Variants in IL4I1 observed in about 807,000 individuals in gnomAD.
The protein encoded by IL4I1 is interleukin 4 induced 1.
Under a neutral mutation model 29.7 loss-of-function variants are expected in IL4I1, and 24 were observed. The ratio of observed to expected loss-of-function variants is 0.81; its 90% CI spans 0.59 to 1.14. The LOEUF is 1.14. IL4I1 is among the 50% of genes most tolerant of loss of function. The probability of loss-of-function intolerance (pLI) is 0.00; values close to 1 mark genes in which losing one functional copy is unlikely to be tolerated. For synonymous variants in IL4I1, 371 were observed against 352.5 expected (o/e 1.05, Z -0.59); for missense variants, 686 against 785.6 (o/e 0.87, Z 1.52).
At chr19:49,899,529 A>G (rs1466500784), upstream of IL4I1, among the ~76,000 whole-genome samples, 1 of 148,760 alleles carries the variant, frequency 6.7e-6, no homozygotes, top group Non-Finnish European at 1.5e-5. Flanking sequence ...GGACTACAGG[A>G]GTGCACTACC....
At chr19:49,907,488 C>G in intron 2 of IL4I1, 4 of 439,760 alleles carry the variant, frequency 9.1e-6, no homozygotes, top group South Asian at 6.5e-5. Flanking sequence ...TTAGCTTTCA[C>G]AAGCACAAGC....
At chr19:49,900,580 G>A (rs188479118), upstream of IL4I1, among the ~76,000 whole-genome samples, 1 of 152,288 alleles carries the variant, frequency 6.6e-6, no homozygotes, top group East Asian at 1.9e-4. Context: ...GAGCCACCAT[G>A]CCCAGCCTCC....
rs371580726 is a variant in IL4I1 at position 49,890,696 on chromosome 19, G to T, written c.774-96C>A. 3.9e-5 allele frequency: 44 copies of T among 1,125,152 alleles called. No individual in the cohort carries two copies. The East Asian group carries it at 9.2e-4, about 24-fold the overall frequency. The allele number at this position is 1,125,152 out of a possible 1,614,324, so 69.7% of individuals were successfully genotyped here. On this transcript the variant is annotated intron_variant, in intron 7 of 7. Coordinates refer to ENST00000391826, the MANE Select transcript of IL4I1 (RefSeq NM_152899.2). ...CCCACCCCGGCAGCTGGCCCTTATG[G>T]GCACCGGCCCGCTCCCCCGTCATCC...
chr19:49,913,316 A>G (rs959492428), intron 2 of IL4I1, among the ~76,000 whole-genome samples: 4 of 152,240 alleles, frequency 2.6e-5, no homozygotes, highest in African/African-American at 7.2e-5. Flanking sequence ...GCCCTTGACC[A>G]GCTCCAGGAG....
rs767450578 is a variant in IL4I1 at position 49,895,160 on chromosome 19, A to G, written c.273T>C (p.Asp91=). The G allele has an allele frequency of 1.9e-6, 3 of 1,613,728 alleles. No homozygotes were observed. Among genetic ancestry groups the G allele is most frequent in the Non-Finnish European group, 2.5e-6 (3 of 1,179,798 alleles). The change falls in exon 4 of 8, where the codon GAT becomes GAC. Residue 91 remains aspartate (D), a synonymous_variant. Coordinates refer to ENST00000391826, the MANE Select transcript of IL4I1 (RefSeq NM_152899.2). ...AGHKVTILEA[D]NRIGGRIFTY... ...TGAAGATGCGGCCCCCGATCCTGTT[A>G]TCTGCCTCCAGGATGGTGACCTGAG...
intron 2 of IL4I1, among the ~76,000 whole-genome samples, chr19:49,919,977 G>A (rs2075725583): frequency 1.3e-5 from 2 of 152,088 alleles, no homozygotes. Flanking sequence ...TCCCAGGCTG[G>A]AGTGCAGTGG....
chr19:49,895,166 C>T lies in IL4I1; in HGVS notation c.267G>A (p.Glu89=), dbSNP rs775538812. ...SDAGHKVTIL[E]ADNRIGGRIF... The stretch of plus-strand genomic sequence containing the variant: ...TGCGGCCCCCGATCCTGTTATCTGC[C>T]TCCAGGATGGTGACCTGAGGGAGTC... Residue 89 remains glutamate (E), a synonymous_variant, in exon 4 of 8, where the codon GAG becomes GAA. Coordinates refer to ENST00000391826, the MANE Select transcript of IL4I1 (RefSeq NM_152899.2). The T allele has an allele frequency of 6.2e-6, 10 of 1,613,670 alleles. No individual in the cohort carries two copies. In the Admixed American group the frequency reaches 1.2e-4, roughly 19 times the overall value.
intron 2 of IL4I1, among the ~76,000 whole-genome samples, chr19:49,915,916 C>T (rs943609744): frequency 1.3e-5 from 2 of 152,214 alleles, no homozygotes; most frequent in East Asian, 1.9e-4. Context: ...GGAAGGCTAA[C>T]GGTGGGGATG....
At chr19:49,908,698 T>C (rs981277637) in intron 2 of IL4I1, 3 of 1,612,448 alleles carry the variant, frequency 1.9e-6, no homozygotes, top group Non-Finnish European at 2.5e-6. Context: ...TGGTGATCTT[T>C]TCTCCATTCT....
chr19:49,894,143 C>T (rs2075174258), intron 5 of IL4I1, 125 bp downstream of exon 5: 2 of 862,318 alleles, frequency 2.3e-6, no homozygotes, highest in African/African-American at 1.7e-5. Context: ...TCCATCTCCA[C>T]CAACAGGCGC....
upstream of IL4I1, chr19:49,896,903 C>G (rs998761167): frequency 1.0e-6 from 1 of 985,356 alleles, no homozygotes; most frequent in African/African-American, 1.7e-5. Context: ...TGCTGTGGCC[C>G]TTTCTCTCCC....
chr19:49,908,842 C>T (rs992257467), intron 2 of IL4I1: 13 of 1,612,506 alleles, frequency 8.1e-6, no homozygotes, highest in Admixed American at 3.3e-5. Context: ...AGCTGGCAGC[C>T]GCCCCTGCAG....
rs112330118 is a variant in IL4I1 at position 49,890,944 on chromosome 19, C to T, written c.773+27G>A. 42 of 676,810 alleles carry T rather than the reference C, an allele frequency of 6.2e-5. 1 individual carries two copies. The highest frequency in any genetic ancestry group is 1.7e-4 in the East Asian group (5 of 30,264). 41.9% of individuals were successfully genotyped at this position (676,810 alleles called of 1,614,324 possible). ...TTCCCTGATTGCCCCCCGCCCCCCC[C>T]CCCTGCCCGCCAGCCCCGCCCCTTA... On this transcript the variant is annotated intron_variant, in intron 7 of 7. Coordinates refer to ENST00000391826, the MANE Select transcript of IL4I1 (RefSeq NM_152899.2).
chr19:49,895,712 CACCTCCA>C, intron 3 of IL4I1, 96 bp downstream of exon 3: 2 of 926,900 alleles, frequency 2.2e-6, no homozygotes, highest in Non-Finnish European at 3.3e-6. Context: ...CCCACATCCC[CACCTCCA>C]CCCCCTCAAG....
upstream of IL4I1, among the ~76,000 whole-genome samples, chr19:49,899,808 G>T (rs1000791431): frequency 1.3e-5 from 2 of 152,102 alleles, no homozygotes; most frequent in Non-Finnish European, 2.9e-5. Context: ...GCCCGCCTCG[G>T]CCTCCCAAAG....
chr19:49,923,025 A>G (rs2075800873), intron 2 of IL4I1, among the ~76,000 whole-genome samples: 1 of 152,082 alleles, frequency 6.6e-6, no homozygotes, highest in Non-Finnish European at 1.5e-5. Context: ...GAGTGATGGC[A>G]TCCTGGGCTC....
chr19:49,914,736 T>G (rs1038135910), intron 2 of IL4I1, among the ~76,000 whole-genome samples: 3 of 113,058 alleles, frequency 2.7e-5, no homozygotes, highest in South Asian at 5.9e-4. Flanking sequence ...GTTTTTTTTT[T>G]TTTTTTTTTT....
chr19:49,915,931 C>A (rs1040581187), intron 2 of IL4I1, among the ~76,000 whole-genome samples: 1 of 152,218 alleles, frequency 6.6e-6, no homozygotes. Context: ...GGGATGGTGT[C>A]GGCTCCACTG....
chr19:49,909,827 G>A (rs546057967), intron 2 of IL4I1: 143 of 1,612,852 alleles, frequency 8.9e-5, no homozygotes, highest in Non-Finnish European at 1.1e-4. Context: ...CTCTGGTGGC[G>A]GCAGCTACTC....
Sources: gnomAD v4.1 joint callset for allele counts (sites outside exome capture counted in the v4.1 genomes callset) on GRCh38, gnomAD v4.1.1 for gene constraint, MANE v1.5 for transcripts, NCBI Gene and HGNC (gene_info 2026-07-23, HGNC 2026-07-21) for gene names.